The following LY75 variants were observed in gnomAD, a reference collection of about 807,000 sequenced individuals.
The protein encoded by LY75 is C-type lectin domain family 13 member B.
Under a neutral mutation model 231.7 loss-of-function variants are expected in LY75, and 185 were observed. That is an observed-to-expected ratio of 0.80 (90% CI 0.71 to 0.90). LY75 has a LOEUF of 0.90. Among genes scored for constraint, LY75 ranks in the 40% least tolerant of loss-of-function variants. The pLI is 0.00. For missense variants in LY75, 1,947 were observed against 2,050.2 expected (o/e 0.95, Z 0.97); for synonymous variants, 668 against 689.0 (o/e 0.97, Z 0.48).
intron 23 of LY75, among the ~76,000 whole-genome samples, chr2:159,843,892 T>C (rs1684117709): frequency 6.6e-6 from 1 of 152,152 alleles, no homozygotes; most frequent in South Asian, 2.1e-4. Context: ...CATGCATGCA[T>C]TGAAACATCA....
Position 159,904,593 on chromosome 2 carries a change from G to C in LY75, c.90C>G (p.Arg30=). Residue 30 remains arginine (R), a synonymous_variant, in exon 1 of 35, where the codon CGC becomes CGG. Coordinates refer to ENST00000263636, the MANE Select transcript of LY75 (RefSeq NM_002349.4). ...GGCTGGCGTGCCCGCGGTTACCTGC[G>C]CGGCCAGAGGGCTCCGCGAGATCGA... The part of the protein sequence containing the change: ...WFFDLAEPSG[R]AANDPFTIVH... 6.6e-7 allele frequency: 1 copy of C among 1,508,206 alleles called. No homozygotes were observed. Among genetic ancestry groups the C allele is most frequent in the Non-Finnish European group, 8.8e-7 (1 of 1,131,964 alleles). 93.4% of individuals were successfully genotyped at this position (1,508,206 alleles called of 1,614,324 possible). A position where few individuals can be genotyped will look rare whatever the true frequency, so the allele number is the denominator to read the frequency against.
chr2:159,807,484 T>C (rs1298488687), intron 33 of LY75, among the ~76,000 whole-genome samples: 1 of 152,200 alleles, frequency 6.6e-6, no homozygotes, highest in Non-Finnish European at 1.5e-5. Flanking sequence ...GAGAGATTTC[T>C]AAGGACCCAT....
chr2:159,805,169 G>T lies in LY75; in HGVS notation c.5044C>A (p.Leu1682Ile). Residue 1682 changes from leucine (L) to isoleucine (I), a missense_variant, in exon 35 of 35, where the codon CTC (leucine) becomes ATC (isoleucine). By Grantham distance (5) the Leu-to-Ile change is conservative. Transcript: ENST00000263636. ...AGGAACCAAATCAGTCCGCCCATGA[G>T]AACTAAGATACTTAGTGTGGCAACT... Reference protein sequence around the residue: ...IIVATLSILVLMGGLIWFLFQ... With the variant: ...IIVATLSILVIMGGLIWFLFQ... 1 of 1,614,122 alleles carries T rather than the reference G, an allele frequency of 6.2e-7. No homozygotes were observed. Among genetic ancestry groups the T allele is most frequent in the Non-Finnish European group, 8.5e-7 (1 of 1,179,988 alleles).
intron 25 of LY75, among the ~76,000 whole-genome samples, chr2:159,837,141 T>TATATA (rs1170989455): frequency 6.6e-6 from 1 of 152,150 alleles, no homozygotes; most frequent in Non-Finnish European, 1.5e-5. Flanking sequence ...CATTACTGGG[T>TATATA]ATATACCCAG....
chr2:159,881,257 T>C lies in LY75; in HGVS notation c.1247-17A>G. 1 of 1,605,358 alleles carries C rather than the reference T, an allele frequency of 6.2e-7. No homozygotes were observed. The highest frequency in any genetic ancestry group is 8.5e-7 in the Non-Finnish European group (1 of 1,176,390). On this transcript the variant is annotated splice_polypyrimidine_tract_variant and intron_variant, in intron 7 of 34. Transcript: ENST00000263636. ...CTTTGATATCTAAAAGAAAAATGTATTATTTGTTTGGTTTTGCTCAATTAA... is the reference window on the plus strand; with the variant it reads ...CTTTGATATCTAAAAGAAAAATGTACTATTTGTTTGGTTTTGCTCAATTAA...
chr2:159,827,299 G>A (rs1045157268), intron 28 of LY75, among the ~76,000 whole-genome samples: 11 of 152,186 alleles, frequency 7.2e-5, no homozygotes, highest in African/African-American at 2.6e-4. Context: ...TTGGGCAAAG[G>A]ATATGAACAG....
At chr2:159,898,662 G>T in intron 2 of LY75, 26 bp downstream of exon 2, 1 of 1,584,240 alleles carries the variant, frequency 6.3e-7, no homozygotes, top group South Asian at 1.1e-5. Flanking sequence ...ACAGCAAATC[G>T]GTCAAAGTCC....
chr2:159,901,126 A>G (rs1190266197), intron 1 of LY75, among the ~76,000 whole-genome samples: 1 of 152,202 alleles, frequency 6.6e-6, no homozygotes, highest in African/African-American at 2.4e-5. Context: ...GGCATGAGAT[A>G]CCGTGCCCAG....
chr2:159,882,888 C>T (rs912909242), intron 6 of LY75, among the ~76,000 whole-genome samples: 1 of 152,052 alleles, frequency 6.6e-6, no homozygotes, highest in African/African-American at 2.4e-5. Context: ...TCTTTCCTCC[C>T]CTCTGCTAGA....
intron 31 of LY75, among the ~76,000 whole-genome samples, chr2:159,813,523 T>G (rs1683028761): frequency 1.3e-5 from 2 of 152,258 alleles, no homozygotes; most frequent in South Asian, 4.2e-4. Flanking sequence ...TATTGGAGAA[T>G]CTGTCTCGTG....
intron 23 of LY75, among the ~76,000 whole-genome samples, chr2:159,848,584 C>A (rs889181243): frequency 1.3e-5 from 2 of 152,018 alleles, no homozygotes; most frequent in African/African-American, 4.8e-5. Flanking sequence ...CTTTTAATGG[C>A]TGAAGAAACT....
intron 13 of LY75, among the ~76,000 whole-genome samples, chr2:159,868,810 T>C (rs912598496): frequency 1.1e-4 from 17 of 152,156 alleles, no homozygotes; most frequent in Non-Finnish European, 2.4e-4. Context: ...GCATTTTACT[T>C]AAAAATACTT....
chr2:159,877,458 C>T (rs1415617942), intron 11 of LY75, among the ~76,000 whole-genome samples: 1 of 152,170 alleles, frequency 6.6e-6, no homozygotes, highest in Non-Finnish European at 1.5e-5. Context: ...CTTTTAAAGT[C>T]TCTGTTTTCT....
At chr2:159,854,575 C>T in intron 17 of LY75, 40 bp from the exon 18 acceptor site, 1 of 1,597,084 alleles carries the variant, frequency 6.3e-7, no homozygotes, top group Non-Finnish European at 8.5e-7. Flanking sequence ...TATGACTATG[C>T]AAAGCAAACT....
In LY75 at chr2:159,842,240, G is replaced by T. The variant is rs748511649; in HGVS notation, c.3280+5C>A. 345 of 1,607,312 alleles carry T rather than the reference G, an allele frequency of 2.1e-4. 8 individuals carry two copies. The South Asian group carries it at 3.6e-3, about 17-fold the overall frequency. ...TACCATAGTTATCTAGATAATAATT[G>T]TTACCTGAATATTTCTGACAGAGAG... is the stretch of plus-strand genomic sequence containing the variant. On this transcript the variant is annotated splice_donor_5th_base_variant and intron_variant, in intron 24 of 34. Coordinates refer to ENST00000263636, the MANE Select transcript of LY75 (RefSeq NM_002349.4).
chr2:159,851,253 G>T (rs1684391820), intron 21 of LY75, among the ~76,000 whole-genome samples: 1 of 152,160 alleles, frequency 6.6e-6, no homozygotes, highest in Admixed American at 6.5e-5. Context: ...GATGCTTTCA[G>T]CTGTCAGACA....
At chr2:159,827,488 G>A (rs1218763180) in intron 28 of LY75, among the ~76,000 whole-genome samples, 2 of 152,198 alleles carry the variant, frequency 1.3e-5, no homozygotes, top group African/African-American at 4.8e-5. Context: ...GGAGAAATAG[G>A]AACACTTTTA....
intron 11 of LY75, among the ~76,000 whole-genome samples, chr2:159,877,125 T>G: frequency 6.6e-6 from 1 of 151,962 alleles, no homozygotes; most frequent in Non-Finnish European, 1.5e-5. Flanking sequence ...ATCTGTATAC[T>G]CTATCTTTTT....
At chr2:159,890,986 G>C (rs930182181) in intron 3 of LY75, among the ~76,000 whole-genome samples, 5 of 152,112 alleles carry the variant, frequency 3.3e-5, no homozygotes, top group Admixed American at 3.3e-4. Context: ...TGTGTTTGTA[G>C]AGTATGCATA....
Sources: allele counts gnomAD v4.1 joint callset (sites outside exome capture counted in the v4.1 genomes callset), GRCh38; gene constraint gnomAD v4.1.1; transcripts MANE v1.5; gene names NCBI Gene and HGNC (gene_info 2026-07-23, HGNC 2026-07-21).